ANXA10: variants seen among roughly 807,000 people sequenced by gnomAD.
ANXA10 encodes the protein annexin 14.
Under a neutral mutation model 53.5 loss-of-function variants are expected in ANXA10, and 49 were observed. The ratio of observed to expected loss-of-function variants is 0.92; its 90% CI spans 0.73 to 1.16. The LOEUF (loss-of-function observed/expected upper bound fraction) is 1.16, where lower values mean the gene tolerates loss of function less well. Ranked by LOEUF, ANXA10 falls within the 50% of genes most tolerant of loss-of-function variation. The pLI is 0.00. For synonymous variants in ANXA10, 131 were observed against 128.9 expected (o/e 1.02, Z -0.11); for missense variants, 393 against 394.4 (o/e 1.00, Z 0.03).
At chr4:168,116,996 G>GACACACACACACAC (rs9312272) in intron 1 of ANXA10, among the ~76,000 whole-genome samples, 12,216 of 150,702 alleles carry the variant, frequency 0.081, 553 homozygotes, top group African/African-American at 0.13. Context: ...TTTTCACACA[G>GACACACACACACAC]ACACACACAC....
rs939447929 is a variant in ANXA10 at position 168,169,601 on chromosome 4, AT to A, written c.480+4276del. 2.6e-5 allele frequency among the ~76,000 whole-genome samples: 4 copies of A among 152,268 alleles called. No homozygotes were observed. The East Asian group carries it at 7.7e-4, about 29-fold the overall frequency. ...ATCTTCCCAGGAAACCCAACTGGCA[AT>A]ATCCCCTCTGTGTAGAGATGAGGAG... On this transcript the variant is annotated intron_variant, in intron 6 of 11. Transcript: ENST00000359299.
intron 8 of ANXA10, 132 bp downstream of exon 8, chr4:168,178,115 T>C: frequency 2.6e-6 from 2 of 758,796 alleles, no homozygotes; most frequent in East Asian, 5.4e-5. Context: ...GTACTTATTT[T>C]GAATTTTGTT....
chr4:168,152,033 T>G (rs76385708), intron 3 of ANXA10, among the ~76,000 whole-genome samples: 422 of 152,278 alleles, frequency 2.8e-3, no homozygotes, highest in African/African-American at 9.6e-3. Flanking sequence ...ACAGGCACAG[T>G]TCTATGGGCT....
chr4:168,181,390 C>CAAAAAAAAA (rs556987548), intron 9 of ANXA10, among the ~76,000 whole-genome samples: 1 of 93,412 alleles, frequency 1.1e-5, no homozygotes, highest in Non-Finnish European at 2.3e-5. Flanking sequence ...GACTCCGTCT[C>CAAAAAAAAA]AAAAAAAAAA....
intron 1 of ANXA10, among the ~76,000 whole-genome samples, chr4:168,117,931 ACTCACTCC>A (rs796521974): frequency 0.024 from 3,624 of 148,714 alleles, 159 homozygotes; most frequent in African/African-American, 0.087. Flanking sequence ...TCACTCACTC[ACTCACTCC>A]CTCCCTCCCT....
intron 1 of ANXA10, among the ~76,000 whole-genome samples, chr4:168,115,535 ACACT>A (rs1730880065): frequency 7.1e-6 from 1 of 141,320 alleles, no homozygotes; most frequent in Admixed American, 7.2e-5. Flanking sequence ...ACACACACAC[ACACT>A]CCCCTCTTTC....
At chr4:168,129,624 T>C (rs1394982665) in intron 2 of ANXA10, among the ~76,000 whole-genome samples, 1 of 152,172 alleles carries the variant, frequency 6.6e-6, no homozygotes, top group Admixed American at 6.6e-5. Flanking sequence ...TCCATCTCCA[T>C]GACTCTGGCG....
Position 168,172,936 on chromosome 4 carries a change from C to T in ANXA10, c.481-4804C>T, listed in dbSNP as rs568574657. Among the ~76,000 whole-genome samples, 224 of 152,104 alleles carry T rather than the reference C, an allele frequency of 1.5e-3. 2 individuals carry two copies. The highest frequency in any genetic ancestry group is 4.1e-3 in the African/African-American group (169 of 41,478). On this transcript the variant is annotated intron_variant, in intron 6 of 11. Transcript: ENST00000359299. ...TCCCAAGTAGCTAGGATTACAGATG[C>T]CTGTCACCACGCCTGGCTAATTTTT...
intron 1 of ANXA10, among the ~76,000 whole-genome samples, chr4:168,110,080 G>A (rs1336409701): frequency 2.0e-5 from 3 of 152,196 alleles, no homozygotes; most frequent in South Asian, 2.1e-4. Flanking sequence ...ACGTGGTGGC[G>A]GGTGCCTGTA....
chr4:168,170,969 G>C (rs1315999253), intron 6 of ANXA10, among the ~76,000 whole-genome samples: 1 of 152,122 alleles, frequency 6.6e-6, no homozygotes, highest in Non-Finnish European at 1.5e-5. Context: ...AGTTCTCTTA[G>C]ATTGTTAAAT....
intron 2 of ANXA10, among the ~76,000 whole-genome samples, chr4:168,128,540 G>T (rs1315066041): frequency 6.6e-6 from 1 of 151,980 alleles, no homozygotes; most frequent in Non-Finnish European, 1.5e-5. Flanking sequence ...TCCACTTCCA[G>T]TCAATCAAAC....
At chr4:168,126,236 G>A (rs1250741483) in intron 1 of ANXA10, among the ~76,000 whole-genome samples, 1 of 152,106 alleles carries the variant, frequency 6.6e-6, no homozygotes, top group Admixed American at 6.6e-5. Context: ...CCATTATTAG[G>A]TTAAGTTAAA....
At chr4:168,159,105 C>T (rs2149476673) in intron 3 of ANXA10, among the ~76,000 whole-genome samples, 1 of 152,246 alleles carries the variant, frequency 6.6e-6, no homozygotes, top group South Asian at 2.1e-4. Context: ...ACAGGTTTTT[C>T]TTTATGGCAA....
chr4:168,138,863 T>A (rs910566246), intron 2 of ANXA10, among the ~76,000 whole-genome samples: 1 of 152,212 alleles, frequency 6.6e-6, no homozygotes, highest in Admixed American at 6.5e-5. Context: ...CTATTATAAA[T>A]GGAATTGAGT....
At chr4:168,128,667 T>G (rs1731111256) in intron 2 of ANXA10, among the ~76,000 whole-genome samples, 1 of 152,150 alleles carries the variant, frequency 6.6e-6, no homozygotes, top group African/African-American at 2.4e-5. Context: ...AATTCTCTTC[T>G]TCAAGAATCT....
At chr4:168,172,024 C>T (rs1732000143) in intron 6 of ANXA10, among the ~76,000 whole-genome samples, 1 of 152,170 alleles carries the variant, frequency 6.6e-6, no homozygotes, top group Non-Finnish European at 1.5e-5. Flanking sequence ...AATTCATCGC[C>T]TCCAAATATT....
intron 9 of ANXA10, among the ~76,000 whole-genome samples, chr4:168,180,217 T>C (rs1732214934): frequency 6.6e-6 from 1 of 152,188 alleles, no homozygotes; most frequent in South Asian, 2.1e-4. Flanking sequence ...AATAACTGTG[T>C]ATTTTTTCTG....
chr4:168,106,174 CTT>C (rs1444077261), intron 1 of ANXA10, among the ~76,000 whole-genome samples: 1 of 151,988 alleles, frequency 6.6e-6, no homozygotes, highest in Non-Finnish European at 1.5e-5. Context: ...TTGTTGGTAT[CTT>C]TGTCATGAAA....
chr4:168,171,958 A>G (rs1410157707), intron 6 of ANXA10, among the ~76,000 whole-genome samples: 1 of 152,208 alleles, frequency 6.6e-6, no homozygotes, highest in Non-Finnish European at 1.5e-5. Flanking sequence ...TTGAACCCGT[A>G]CAATGAGGCC....
Sources: allele counts gnomAD v4.1 joint callset (sites outside exome capture counted in the v4.1 genomes callset), GRCh38; gene constraint gnomAD v4.1.1; transcripts MANE v1.5; gene names NCBI Gene and HGNC (gene_info 2026-07-23, HGNC 2026-07-21).